Variants in KIF16B observed in about 807,000 individuals in gnomAD.
The protein encoded by KIF16B is kinesin family member 16B.
Under a neutral mutation model 156.3 loss-of-function variants are expected in KIF16B, and 98 were observed. That is an observed-to-expected ratio of 0.63 (90% CI 0.53 to 0.74). The LOEUF (loss-of-function observed/expected upper bound fraction) is 0.74. Ranked by LOEUF, KIF16B falls within the 30% of genes least tolerant of loss-of-function variation. The probability of loss-of-function intolerance (pLI) is 0.00; values close to 1 mark genes in which losing one functional copy is unlikely to be tolerated. For synonymous variants in KIF16B, 564 were observed against 583.7 expected (o/e 0.97, Z 0.49); for missense variants, 1,421 against 1,606.5 (o/e 0.88, Z 1.97).
chr20:16,447,600 C>T (rs1281037735), intron 12 of KIF16B, among the ~76,000 whole-genome samples: 1 of 151,860 alleles, frequency 6.6e-6, no homozygotes, highest in Non-Finnish European at 1.5e-5. Context: ...AAAGTAAGAT[C>T]CTGTCTCTAT....
chr20:16,550,526 T>C (rs2070602024), intron 1 of KIF16B, among the ~76,000 whole-genome samples: 1 of 139,636 alleles, frequency 7.2e-6, no homozygotes, highest in African/African-American at 2.9e-5. Context: ...ACATGAAACA[T>C]TCTTTTTTTT....
chr20:16,378,471 C>T (rs1451033919), intron 19 of KIF16B, among the ~76,000 whole-genome samples: 4 of 151,984 alleles, frequency 2.6e-5, no homozygotes. Flanking sequence ...AAGGAGAAAT[C>T]AAAGTGGAAA....
At chr20:16,401,970 G>C (rs2065667038) in intron 17 of KIF16B, among the ~76,000 whole-genome samples, 1 of 152,160 alleles carries the variant, frequency 6.6e-6, no homozygotes, top group African/African-American at 2.4e-5. Flanking sequence ...TGGTTTGCCA[G>C]CTCTCTTAAA....
rs533282010 is a variant in KIF16B, at chr20:16,403,872, T to A, written c.1784+941A>T. 2.0e-5 allele frequency among the ~76,000 whole-genome samples: 3 copies of A among 152,148 alleles called. No homozygotes were observed. In the East Asian group the frequency reaches 5.8e-4, roughly 29 times the overall value. On this transcript the variant is annotated intron_variant, in intron 17 of 25. Coordinates refer to ENST00000354981, the MANE Select transcript of KIF16B (RefSeq NM_024704.5). The stretch of plus-strand genomic sequence containing the variant: ...CCCAGGGTTGGGGGTGAGGGAGCAA[T>A]GGAAAATGGAACCAGTCCCCCAACT...
chr20:16,564,605 A>T (rs2071184659), intron 1 of KIF16B, among the ~76,000 whole-genome samples: 1 of 152,046 alleles, frequency 6.6e-6, no homozygotes, highest in Non-Finnish European at 1.5e-5. Context: ...TGGCACATGT[A>T]TACCATATGT....
intron 1 of KIF16B, among the ~76,000 whole-genome samples, chr20:16,569,057 C>A (rs1374827253): frequency 1.3e-5 from 2 of 151,884 alleles, no homozygotes; most frequent in African/African-American, 4.8e-5. Flanking sequence ...AAAACAGGCC[C>A]AAGGGAGTCT....
intron 10 of KIF16B, among the ~76,000 whole-genome samples, chr20:16,504,143 G>T (rs1164419377): frequency 6.6e-6 from 1 of 152,168 alleles, no homozygotes; most frequent in Non-Finnish European, 1.5e-5. Context: ...CTATTAGAGA[G>T]TTAATCATTT....
intron 12 of KIF16B, among the ~76,000 whole-genome samples, chr20:16,480,166 C>G (rs554268243): frequency 1.9e-4 from 29 of 152,246 alleles, no homozygotes; most frequent in Non-Finnish European, 3.2e-4. Context: ...CAGATAGAGG[C>G]TGGGCTCCAA....
At chr20:16,426,452 T>C (rs1039905872) in intron 15 of KIF16B, among the ~76,000 whole-genome samples, 6 of 151,988 alleles carry the variant, frequency 3.9e-5, no homozygotes, top group African/African-American at 1.4e-4. Context: ...ATACAGGAAA[T>C]AGAACTAAAT....
chr20:16,545,233 T>A (rs2223906), intron 1 of KIF16B, among the ~76,000 whole-genome samples: 80,114 of 151,954 alleles, frequency 0.53, 21,280 homozygotes, highest in Non-Finnish European at 0.55. Context: ...TACTCATTTT[T>A]AAAAATGGAA....
At position 16,325,408 on chromosome 20, in the gene KIF16B, G is replaced by A. The variant is rs144775551; in HGVS notation, c.3711+10518C>T. Reference sequence around the variant, plus strand: ...AATTGTATGCCTAGAAAACCCTGAAGACTCATCCAAAAAGCTCCTAGATCT... The same window carrying A: ...AATTGTATGCCTAGAAAACCCTGAAAACTCATCCAAAAAGCTCCTAGATCT... On this transcript the variant is annotated intron_variant, in intron 24 of 25. Coordinates refer to ENST00000354981, the MANE Select transcript of KIF16B (RefSeq NM_024704.5). 4.2e-3 allele frequency among the ~76,000 whole-genome samples: 641 copies of A among 152,038 alleles called. 3 individuals are homozygous for A. Among genetic ancestry groups the A allele is most frequent in the South Asian group, 0.03 (143 of 4,822 alleles).
chr20:16,515,945 A>C (rs1346810421), intron 3 of KIF16B, among the ~76,000 whole-genome samples: 7 of 152,222 alleles, frequency 4.6e-5, no homozygotes, highest in Non-Finnish European at 8.8e-5. Flanking sequence ...CAAAGTGAAA[A>C]TCATGTTTAG....
At chr20:16,284,369 C>G (rs1018204995) in intron 25 of KIF16B, among the ~76,000 whole-genome samples, 11 of 152,198 alleles carry the variant, frequency 7.2e-5, no homozygotes, top group Non-Finnish European at 1.5e-4. Context: ...ACTTGCAAAC[C>G]CTTCTCCTTC....
At chr20:16,553,147 G>C (rs1033654478) in intron 1 of KIF16B, among the ~76,000 whole-genome samples, 1 of 152,162 alleles carries the variant, frequency 6.6e-6, no homozygotes, top group Non-Finnish European at 1.5e-5. Context: ...CATTTCGTGA[G>C]ACTTTGTAGC....
intron 1 of KIF16B, among the ~76,000 whole-genome samples, chr20:16,536,316 G>C (rs527670224): frequency 6.6e-6 from 1 of 152,000 alleles, no homozygotes; most frequent in Non-Finnish European, 1.5e-5. Context: ...AGAGTAGAAT[G>C]ATAGATATCA....
At chr20:16,398,504 G>A (rs761211127) in intron 17 of KIF16B, among the ~76,000 whole-genome samples, 3 of 152,180 alleles carry the variant, frequency 2.0e-5, no homozygotes, top group Non-Finnish European at 4.4e-5. Flanking sequence ...TCTTCCCTGT[G>A]CCATCAGATA....
At chr20:16,440,759 G>T (rs190476537) in intron 12 of KIF16B, among the ~76,000 whole-genome samples, 9 of 152,170 alleles carry the variant, frequency 5.9e-5, no homozygotes, top group African/African-American at 2.2e-4. Flanking sequence ...TTAATGAACA[G>T]AAACTCTTGG....
intron 14 of KIF16B, 48 bp downstream of exon 14, chr20:16,428,905 A>G (rs1189389492): frequency 1.3e-6 from 2 of 1,524,644 alleles, no homozygotes; most frequent in Non-Finnish European, 1.8e-6. Context: ...TTCCTTGAAT[A>G]CAACCTTAAA....
intron 15 of KIF16B, among the ~76,000 whole-genome samples, chr20:16,414,622 T>C (rs1311328602): frequency 1.3e-5 from 2 of 152,242 alleles, no homozygotes; most frequent in East Asian, 3.9e-4. Context: ...AGCCAAATTA[T>C]CCATCAAGAA....
Sources: gnomAD v4.1 joint callset for allele counts (sites outside exome capture counted in the v4.1 genomes callset) on GRCh38, gnomAD v4.1.1 for gene constraint, MANE v1.5 for transcripts, NCBI Gene and HGNC (gene_info 2026-07-23, HGNC 2026-07-21) for gene names.